The following PCDHA13 variants were observed in gnomAD, a reference collection of about 807,000 sequenced individuals.
The protein encoded by PCDHA13 is protocadherin alpha 13.
In PCDHA13, 54 loss-of-function variants were observed where a neutral mutation model predicts 64.8. The ratio of observed to expected loss-of-function variants is 0.83; its 90% CI spans 0.67 to 1.04. PCDHA13 has a LOEUF of 1.04. Ranked by LOEUF, PCDHA13 falls within the 50% of genes least tolerant of loss-of-function variation. PCDHA13 has a pLI of 0.00. For synonymous variants in PCDHA13, 587 were observed against 564.4 expected (o/e 1.04, Z -0.57); for missense variants, 1,248 against 1,254.3 (o/e 0.99, Z 0.08).
chr5:140,967,687 C>T (rs1173018126), intron 1 of PCDHA13: 1 of 1,614,094 alleles, frequency 6.2e-7, no homozygotes, highest in Non-Finnish European at 8.5e-7. Context: ...AGAGGCAGCT[C>T]TTCAGCATAG....
intron 3 of PCDHA13, 39 bp from the exon 4 acceptor site, chr5:141,009,588 G>A: frequency 6.3e-7 from 1 of 1,598,586 alleles, no homozygotes; most frequent in Non-Finnish European, 8.5e-7. Context: ...AAGAGCATGT[G>A]TTGACCCTGT....
chr5:140,928,161 C>T (rs155820), intron 1 of PCDHA13: 1 of 1,613,960 alleles, frequency 6.2e-7, no homozygotes, highest in South Asian at 1.1e-5. Context: ...GTGGCTCACC[C>T]CCACTTAGCA....
chr5:140,992,352 G>C (rs1554252825), intron 3 of PCDHA13, among the ~76,000 whole-genome samples: 1 of 152,162 alleles, frequency 6.6e-6, no homozygotes, highest in African/African-American at 2.4e-5. Context: ...TGTGGAGAGA[G>C]GAGAAAAATG....
At chr5:140,951,988 A>C (rs2094668820) in intron 1 of PCDHA13, among the ~76,000 whole-genome samples, 1 of 152,226 alleles carries the variant, frequency 6.6e-6, no homozygotes, top group African/African-American at 2.4e-5. Context: ...GGGAAAAACC[A>C]GCCAAAAGAA....
chr5:140,918,955 T>G lies in PCDHA13; in HGVS notation c.2394+34293T>G, dbSNP rs904506594. Among the ~76,000 whole-genome samples, 3 of 152,258 alleles carry G rather than the reference T, an allele frequency of 2.0e-5. 1 individual carries two copies. Among genetic ancestry groups the G allele is most frequent in the African/African-American group, 7.2e-5 (3 of 41,472 alleles). ...TTTTGTTATAATATCCTGAACAGAC[T>G]AAGACAGATATCGTTTAGGTTAGTT... On this transcript the variant is annotated intron_variant, in intron 1 of 3. Transcript: ENST00000289272.
chr5:140,882,208 G>C lies in PCDHA13; in HGVS notation c.-61G>C, dbSNP rs1554173113. 2 of 1,531,598 alleles carry C rather than the reference G, an allele frequency of 1.3e-6. No homozygotes were observed. Among genetic ancestry groups the C allele is most frequent in the East Asian group, 4.5e-5 (2 of 44,092 alleles). 94.9% of individuals were successfully genotyped at this position (1,531,598 alleles called of 1,614,324 possible). A position where few individuals can be genotyped will look rare whatever the true frequency, so the allele number is the denominator to read the frequency against. Reference sequence around the variant, plus strand: ...AAGCCATAAAAATTGGGCCTTGAGAGACAGTTTGAGGTAAGGCGTTGTATA... The same window carrying C: ...AAGCCATAAAAATTGGGCCTTGAGACACAGTTTGAGGTAAGGCGTTGTATA... On this transcript the variant is annotated 5_prime_UTR_variant, in exon 1 of 4. Coordinates refer to ENST00000289272, the MANE Select transcript of PCDHA13 (RefSeq NM_018904.3).
rs141394050 is a variant in PCDHA13 at position 140,948,629 on chromosome 5, T to C, written c.2395-30320T>C. 8.2e-3 allele frequency among the ~76,000 whole-genome samples: 1,244 copies of C among 151,828 alleles called. 11 individuals are homozygous for C. Among genetic ancestry groups the C allele is most frequent in the Non-Finnish European group, 0.013 (908 of 67,578 alleles). On this transcript the variant is annotated intron_variant, in intron 1 of 3. Transcript: ENST00000289272. ...TTTTGGCACAAAGTTGTTAATAATA[T>C]TCTCTCATCTTTTAACGTCTGTATA...
chr5:140,966,820 G>A, intron 1 of PCDHA13: 1 of 1,557,392 alleles, frequency 6.4e-7, no homozygotes, highest in Non-Finnish European at 8.7e-7. Context: ...GGCTCCGGCG[G>A]CCCATGCCCT....
Position 140,968,634 on chromosome 5 carries a change from A to G in PCDHA13, c.2395-10315A>G, listed in dbSNP as rs782166097. ...GGGCAAAATGCTTGGCTTTTTTACC[A>G]TCTAGCCCAGACTTCTGACCTGGAC... On this transcript the variant is annotated intron_variant, in intron 1 of 3. Coordinates refer to ENST00000289272, the MANE Select transcript of PCDHA13 (RefSeq NM_018904.3). 14 of 1,614,176 alleles carry G rather than the reference A, an allele frequency of 8.7e-6. 1 individual carries two copies. The South Asian group carries it at 1.3e-4, about 15-fold the overall frequency.
At chr5:140,976,578 A>C (rs997881753) in intron 1 of PCDHA13, among the ~76,000 whole-genome samples, 1 of 152,204 alleles carries the variant, frequency 6.6e-6, no homozygotes, top group Admixed American at 6.5e-5. Context: ...TATAAATAAA[A>C]CACAGACTTT....
At chr5:140,894,503 T>C (rs934592222) in intron 1 of PCDHA13, among the ~76,000 whole-genome samples, 1 of 152,016 alleles carries the variant, frequency 6.6e-6, no homozygotes. Context: ...TTAGGCATTA[T>C]CCATAGTGTT....
At chr5:140,904,110 T>C (rs556511949) in intron 1 of PCDHA13, among the ~76,000 whole-genome samples, 2 of 152,218 alleles carry the variant, frequency 1.3e-5, no homozygotes, top group Non-Finnish European at 2.9e-5. Context: ...TGGTCATTGC[T>C]GAGATTTTGG....
chr5:140,905,154 A>C (rs2071632233), intron 1 of PCDHA13, among the ~76,000 whole-genome samples: 1 of 152,040 alleles, frequency 6.6e-6, no homozygotes, highest in Admixed American at 6.6e-5. Context: ...ATATTTTAGA[A>C]TTTTCATGGT....
In PCDHA13 at chr5:140,884,757, TCTTTA is replaced by T. The variant is rs1486319174; in HGVS notation, c.2394+101_2394+105del. On this transcript the variant is annotated intron_variant, in intron 1 of 3. Transcript: ENST00000289272. ...ATCTTTCCTGCCAATTTCAAATTATTCTTTACTTTAATTTTAATTTTGCTAGTTGT... is the reference window on the plus strand; with the variant it reads ...ATCTTTCCTGCCAATTTCAAATTATTCTTTAATTTTAATTTTGCTAGTTGT... The T allele has an allele frequency of 5.5e-5, 78 of 1,427,314 alleles. 1 individual carries two copies. The highest frequency in any genetic ancestry group is 1.3e-4 in the South Asian group (8 of 61,704). The allele number at this position is 1,427,314 out of a possible 1,614,324, so 88.4% of individuals were successfully genotyped here. A position where few individuals can be genotyped will look rare whatever the true frequency, so the allele number is the denominator to read the frequency against.
At chr5:140,889,946 C>T (rs1554184112) in intron 1 of PCDHA13, among the ~76,000 whole-genome samples, 1 of 152,114 alleles carries the variant, frequency 6.6e-6, no homozygotes, top group East Asian at 1.9e-4. Flanking sequence ...TGTGAGAAGC[C>T]AAATGGATAG....
At chr5:140,935,234 T>C (rs1160112983) in intron 1 of PCDHA13, among the ~76,000 whole-genome samples, 8 of 152,190 alleles carry the variant, frequency 5.3e-5, no homozygotes, top group Non-Finnish European at 1.2e-4. Context: ...GGATGTCTAT[T>C]TTTTAAAAGA....
intron 1 of PCDHA13, among the ~76,000 whole-genome samples, chr5:140,904,555 C>A (rs1345633704): frequency 6.6e-6 from 1 of 151,632 alleles, no homozygotes. Flanking sequence ...CATATAATGA[C>A]TTTTTTTTCC....
chr5:140,909,376 A>C (rs934172847), intron 1 of PCDHA13, among the ~76,000 whole-genome samples: 3 of 152,208 alleles, frequency 2.0e-5, no homozygotes, highest in Non-Finnish European at 4.4e-5. Context: ...AAGCAATGAA[A>C]CCACATCTAG....
At chr5:140,929,322 C>T in intron 1 of PCDHA13, 1 of 1,540,684 alleles carries the variant, frequency 6.5e-7, no homozygotes, top group Non-Finnish European at 8.8e-7. Context: ...ATGTCAATGC[C>T]ATGGTAAGCA....
Sources: gnomAD v4.1 joint callset for allele counts (sites outside exome capture counted in the v4.1 genomes callset) on GRCh38, gnomAD v4.1.1 for gene constraint, MANE v1.5 for transcripts, NCBI Gene and HGNC (gene_info 2026-07-23, HGNC 2026-07-21) for gene names.